AGMO: variants seen among roughly 807,000 people sequenced by gnomAD.
The protein encoded by AGMO is alkylglycerol monooxygenase, also known as glyceryl-ether monooxygenase.
Under a neutral mutation model 60.2 loss-of-function variants are expected in AGMO, and 75 were observed. That is an observed-to-expected ratio of 1.25 (90% CI 1.03 to 1.51). AGMO has a LOEUF of 1.51. AGMO is among the 40% of genes most tolerant of loss of function. AGMO has a pLI of 0.00. For missense variants in AGMO, 763 were observed against 525.5 expected, an observed-to-expected ratio of 1.45 and a Z score of -4.42; for synonymous variants, 261 against 177.1, an observed-to-expected ratio of 1.47 and a Z score of -3.76.
chr7:15,289,737 C>G (rs915662297), intron 12 of AGMO, among the ~76,000 whole-genome samples: 2 of 151,884 alleles, frequency 1.3e-5, no homozygotes, highest in Non-Finnish European at 2.9e-5. Context: ...TGTATTTAAG[C>G]TAACTTTTTT....
chr7:15,228,274 G>A (rs957460042), intron 12 of AGMO, among the ~76,000 whole-genome samples: 1 of 151,996 alleles, frequency 6.6e-6, no homozygotes, highest in African/African-American at 2.4e-5. Flanking sequence ...GTGACACGTG[G>A]TCAAAACCTG....
At chr7:15,196,145 C>A (rs1003564415), downstream of AGMO, among the ~76,000 whole-genome samples, 1 of 151,740 alleles carries the variant, frequency 6.6e-6, no homozygotes, top group Non-Finnish European at 1.5e-5. Flanking sequence ...CGGGTTCGAG[C>A]GATTCTTCTG....
At chr7:15,389,638 G>C (rs1422878173) in intron 8 of AGMO, among the ~76,000 whole-genome samples, 1 of 152,172 alleles carries the variant, frequency 6.6e-6, no homozygotes, top group African/African-American at 2.4e-5. Context: ...CTGTGTATCA[G>C]TTAAATTGAG....
At chr7:15,496,269 C>A (rs549212703) in intron 3 of AGMO, among the ~76,000 whole-genome samples, 1 of 152,274 alleles carries the variant, frequency 6.6e-6, no homozygotes, top group African/African-American at 2.4e-5. Flanking sequence ...GCCTGATCAG[C>A]TGCAGAACCA....
chr7:15,445,030 G>A (rs778606741), intron 3 of AGMO, among the ~76,000 whole-genome samples: 2 of 152,098 alleles, frequency 1.3e-5, no homozygotes, highest in Non-Finnish European at 2.9e-5. Flanking sequence ...ATGTATTTGT[G>A]AAGTTCTTAG....
At position 15,432,625 on chromosome 7, in the gene AGMO, C is replaced by T. The variant is rs140008977; in HGVS notation, c.410-1517G>A. Reference sequence around the variant, plus strand: ...AAGTCATATATTTTTCAATGGAACACGTATTGTCATCAACCACAGCAGATA... The same window carrying T: ...AAGTCATATATTTTTCAATGGAACATGTATTGTCATCAACCACAGCAGATA... On this transcript the variant is annotated intron_variant, in intron 3 of 12. Coordinates refer to ENST00000342526, the MANE Select transcript of AGMO (RefSeq NM_001004320.2). Among the ~76,000 whole-genome samples the T allele has an allele frequency of 4.9e-4, 74 of 151,706 alleles. 2 individuals carry two copies. The East Asian group carries it at 0.013, about 26-fold the overall frequency.
the AGMO span, among the ~76,000 whole-genome samples, chr7:15,146,225 A>G: frequency 6.6e-6 from 1 of 152,148 alleles, no homozygotes; most frequent in Non-Finnish European, 1.5e-5. Context: ...GTATTTTCAG[A>G]TTCTTGGAAA....
chr7:15,469,755 G>T (rs1360491905), intron 3 of AGMO, among the ~76,000 whole-genome samples: 1 of 152,112 alleles, frequency 6.6e-6, no homozygotes, highest in Non-Finnish European at 1.5e-5. Context: ...CATAAGGAAA[G>T]CCAGGAAGGA....
intron 10 of AGMO, among the ~76,000 whole-genome samples, chr7:15,375,910 TTA>T (rs1783434293): frequency 6.6e-6 from 1 of 152,130 alleles, no homozygotes; most frequent in Non-Finnish European, 1.5e-5. Flanking sequence ...TAGAAAACAC[TTA>T]TAGTGATATG....
At chr7:15,362,077 A>T (rs1447180533) in intron 12 of AGMO, among the ~76,000 whole-genome samples, 1 of 152,198 alleles carries the variant, frequency 6.6e-6, no homozygotes, top group African/African-American at 2.4e-5. Context: ...GCCCTAATTC[A>T]TATTGACTGG....
chr7:15,469,867 G>A (rs986594171), intron 3 of AGMO, among the ~76,000 whole-genome samples: 13 of 152,052 alleles, frequency 8.5e-5, no homozygotes, highest in African/African-American at 2.9e-4. Context: ...GATAGAGAGA[G>A]CAGGTGAAGA....
chr7:15,414,651 A>G (rs976093849), intron 5 of AGMO, among the ~76,000 whole-genome samples: 2 of 152,156 alleles, frequency 1.3e-5, no homozygotes, highest in African/African-American at 4.8e-5. Flanking sequence ...GGGAAAAAAA[A>G]GAAACAAAAC....
chr7:15,336,809 CT>C (rs1414148348), intron 12 of AGMO, among the ~76,000 whole-genome samples: 1 of 152,086 alleles, frequency 6.6e-6, no homozygotes, highest in African/African-American at 2.4e-5. Context: ...TAAGTAATTA[CT>C]TATCAGGCTC....
chr7:15,544,686 C>G, intron 3 of AGMO, 86 bp downstream of exon 3: 1 of 1,056,654 alleles, frequency 9.5e-7, no homozygotes, highest in Non-Finnish European at 1.3e-6. Context: ...CTGTATTTAT[C>G]CATTCAATAA....
At chr7:15,542,596 A>T (rs1784659645) in intron 3 of AGMO, among the ~76,000 whole-genome samples, 1 of 152,218 alleles carries the variant, frequency 6.6e-6, no homozygotes, top group Admixed American at 6.5e-5. Context: ...TCTTGAAAGT[A>T]TGTAATATAG....
At chr7:15,407,608 G>A (rs1196333522) in intron 5 of AGMO, among the ~76,000 whole-genome samples, 2 of 151,728 alleles carry the variant, frequency 1.3e-5, no homozygotes, top group Non-Finnish European at 2.9e-5. Flanking sequence ...TGGAAACATT[G>A]ATTTGAAACC....
intron 12 of AGMO, among the ~76,000 whole-genome samples, chr7:15,210,527 T>C (rs1312101458): frequency 6.6e-6 from 1 of 152,104 alleles, no homozygotes; most frequent in African/African-American, 2.4e-5. Context: ...TGCAGAGTAT[T>C]TTAAAAAATG....
chr7:15,325,470 T>G (rs926220070), intron 12 of AGMO, among the ~76,000 whole-genome samples: 1 of 152,076 alleles, frequency 6.6e-6, no homozygotes, highest in Admixed American at 6.6e-5. Flanking sequence ...TTTTCCGTTG[T>G]TTTTTAAACA....
chr7:15,462,885 A>C (rs1782182157), intron 3 of AGMO, among the ~76,000 whole-genome samples: 1 of 152,174 alleles, frequency 6.6e-6, no homozygotes, highest in African/African-American at 2.4e-5. Context: ...TCTAAAACTC[A>C]ATGAGTCAAA....
Sources: allele counts gnomAD v4.1 joint callset (sites outside exome capture counted in the v4.1 genomes callset), GRCh38; gene constraint gnomAD v4.1.1; transcripts MANE v1.5; gene names NCBI Gene and HGNC (gene_info 2026-07-23, HGNC 2026-07-21).